The following NR2F1 variants were observed in gnomAD, a reference collection of about 807,000 sequenced individuals.
NR2F1 encodes the protein nuclear receptor subfamily 2 group F member 1, also known as COUP transcription factor 1.
In NR2F1, 1 loss-of-function variant was observed where a neutral mutation model predicts 37.7. The ratio of observed to expected loss-of-function variants is 0.03; its 90% CI spans 0.01 to 0.13. The LOEUF (loss-of-function observed/expected upper bound fraction) is 0.13. NR2F1 is among the 10% of genes least tolerant of loss of function. The pLI, the probability that NR2F1 is intolerant of heterozygous loss-of-function variation, is 1.00. For missense variants in NR2F1, 268 were observed against 578.4 expected (o/e 0.46, Z 5.50); for synonymous variants, 275 against 259.6 (o/e 1.06, Z -0.57).
chr5:93,585,516 G>C (rs769381711), intron 1 of NR2F1, 30 bp downstream of exon 1: 29 of 1,568,352 alleles, frequency 1.8e-5, no homozygotes, highest in African/African-American at 6.8e-5. Context: ...TTCTCTCCCC[G>C]CGCTTCGCCC....
At chr5:93,586,833 A>G (rs572250759) in intron 1 of NR2F1, among the ~76,000 whole-genome samples, 41 of 152,316 alleles carry the variant, frequency 2.7e-4, no homozygotes, top group African/African-American at 9.4e-4. Context: ...AAGAGCTTCA[A>G]TTGCACTGGA....
intron 2 of NR2F1, among the ~76,000 whole-genome samples, chr5:93,589,240 A>C (rs1354653633): frequency 6.6e-6 from 1 of 152,228 alleles, no homozygotes; most frequent in Non-Finnish European, 1.5e-5. Flanking sequence ...AAAAAATATC[A>C]AATTATGTGT....
intron 1 of NR2F1, 33 bp from the exon 2 acceptor site, chr5:93,587,884 A>C (rs1459243107): frequency 5.8e-6 from 9 of 1,538,850 alleles, no homozygotes; most frequent in Non-Finnish European, 7.9e-6. Context: ...CCCTGGATGC[A>C]CATTGCCTCT....
At chr5:93,590,387 G>A (rs1054299811) in intron 2 of NR2F1, among the ~76,000 whole-genome samples, 3 of 152,192 alleles carry the variant, frequency 2.0e-5, no homozygotes, top group Non-Finnish European at 4.4e-5. Context: ...AGGCTGCAGG[G>A]AAACACTGTG....
In NR2F1 at chr5:93,593,176, G is replaced by A. The variant is rs573107438; in HGVS notation, c.992-386G>A. On this transcript the variant is annotated intron_variant, in intron 2 of 2. Coordinates refer to ENST00000327111, the MANE Select transcript of NR2F1 (RefSeq NM_005654.6). The surrounding 1 kb of genome is among the most constrained non-coding windows in gnomAD (Gnocchi z 5.6). ...AGTTAATGAGCACGGCCAGAAAGAT[G>A]CTCCCTTGCAGGCCGAGGACAGGTT... Among the ~76,000 whole-genome samples, 7 of 152,290 alleles carry A rather than the reference G, an allele frequency of 4.6e-5. No individual in the cohort carries two copies. The highest frequency in any genetic ancestry group is 1.7e-4 in the African/African-American group (7 of 41,548).
chr5:93,585,734 C>T, intron 1 of NR2F1: 1 of 541,464 alleles, frequency 1.8e-6, no homozygotes, highest in Admixed American at 3.1e-5. Context: ...GCTGCCTGCT[C>T]AGGATTGTGT....
At chr5:93,587,766 G>A in intron 1 of NR2F1, 151 bp from the exon 2 acceptor site, 2 of 761,902 alleles carry the variant, frequency 2.6e-6, no homozygotes, top group Non-Finnish European at 4.2e-6. Context: ...TCTCCTAGCG[G>A]TGTGGACTGT....
chr5:93,590,607 C>T (rs1052901547), intron 2 of NR2F1, among the ~76,000 whole-genome samples: 3 of 152,200 alleles, frequency 2.0e-5, no homozygotes, highest in Admixed American at 1.3e-4. Flanking sequence ...TCACCTCCCC[C>T]CTCCCATGCA....
chr5:93,589,852 G>A (rs1223673922), intron 2 of NR2F1, among the ~76,000 whole-genome samples: 4 of 152,238 alleles, frequency 2.6e-5, no homozygotes, highest in East Asian at 3.8e-4. Context: ...TTAGACAAGA[G>A]CATCTCATTT....
chr5:93,590,940 G>A (rs771736984), intron 2 of NR2F1, among the ~76,000 whole-genome samples: 5 of 152,190 alleles, frequency 3.3e-5, no homozygotes, highest in Admixed American at 2.0e-4. Context: ...TCAAATAAAT[G>A]AGACTTTCTC....
chr5:93,585,281 C>T lies in NR2F1; in HGVS notation c.258C>T (p.Cys86=), dbSNP rs763957737. ...GSGQSQQHIE[C]VVCGDKSSGK... ...GCCAGAGCCAGCAGCACATCGAGTG[C>T]GTGGTGTGCGGGGACAAGTCGAGCG... The change falls in exon 1 of 3, where the codon TGC becomes TGT. Residue 86 remains cysteine (C), a synonymous_variant. Transcript: ENST00000327111. 13 of 1,601,872 alleles carry T rather than the reference C, an allele frequency of 8.1e-6. No individual in the cohort carries two copies. The highest frequency in any genetic ancestry group is 7.8e-5 in the South Asian group (7 of 89,476).
Position 93,593,874 on chromosome 5 carries a change from C to T in NR2F1, c.*32C>T. 6.3e-7 allele frequency: 1 copy of T among 1,598,438 alleles called. No homozygotes were observed. Among genetic ancestry groups the T allele is most frequent in the Non-Finnish European group, 8.5e-7 (1 of 1,170,310 alleles). On this transcript the variant is annotated 3_prime_UTR_variant, in exon 3 of 3. Coordinates refer to ENST00000327111, the MANE Select transcript of NR2F1 (RefSeq NM_005654.6). This position sits in a 1 kb window ranked among gnomAD's most constrained non-coding sequence, Gnocchi z 5.6. Reference sequence around the variant, plus strand: ...GGCGCTTCCCACCTGCCCCGTCCCCCTAGAGACTCAGAGGACCCACCTGGG... The same window carrying T: ...GGCGCTTCCCACCTGCCCCGTCCCCTTAGAGACTCAGAGGACCCACCTGGG...
rs986172152 is a variant in NR2F1, at chr5:93,585,137, C to T, written c.114C>T (p.Gly38=). The change falls in exon 1 of 3, where the codon GGC becomes GGT. Residue 38 remains glycine (G), a synonymous_variant. Coordinates refer to ENST00000327111, the MANE Select transcript of NR2F1 (RefSeq NM_005654.6). ...CCCGCGGCGGCGGCGGCGGCGCCGG[C>T]GAGCAGCAGCAGCAGGCGGGCTCGG... The part of the protein sequence containing the change: ...QAARGGGGGA[G]EQQQQAGSGA... 2.8e-6 allele frequency: 3 copies of T among 1,070,674 alleles called. No homozygotes were observed. Among genetic ancestry groups the T allele is most frequent in the Non-Finnish European group, 3.4e-6 (3 of 885,748 alleles). 66.3% of individuals were successfully genotyped at this position (1,070,674 alleles called of 1,614,324 possible).
At chr5:93,590,582 G>A (rs1157038555) in intron 2 of NR2F1, among the ~76,000 whole-genome samples, 1 of 152,184 alleles carries the variant, frequency 6.6e-6, no homozygotes, top group Non-Finnish European at 1.5e-5. Context: ...TGGAAATAGA[G>A]CTGTCAGTAG....
Position 93,593,442 on chromosome 5 carries a change from T to C in NR2F1, c.992-120T>C. The stretch of plus-strand genomic sequence containing the variant: ...GTGAATTTTTCTTTTCTCTTTTACT[T>C]CTTTTTTATTTTCCATTTTCTCCTT... On this transcript the variant is annotated intron_variant, in intron 2 of 2. Transcript: ENST00000327111. This position sits in a 1 kb window ranked among gnomAD's most constrained non-coding sequence, Gnocchi z 5.6. 1 of 1,066,660 alleles carries C rather than the reference T, an allele frequency of 9.4e-7. No homozygotes were observed. Among genetic ancestry groups the C allele is most frequent in the Non-Finnish European group, 1.4e-6 (1 of 736,200 alleles). 66.1% of individuals were successfully genotyped at this position (1,066,660 alleles called of 1,614,324 possible). A position where few individuals can be genotyped will look rare whatever the true frequency, so the allele number is the denominator to read the frequency against.
intron 1 of NR2F1, chr5:93,587,477 C>T: frequency 6.0e-6 from 1 of 167,216 alleles, no homozygotes; most frequent in Non-Finnish European, 1.3e-5. Flanking sequence ...TGCTTGCTTG[C>T]AAATGAGGAG....
chr5:93,584,187 C>T lies in NR2F1; in HGVS notation c.-837C>T, dbSNP rs1438562277. 2 of 148,856 alleles carry T rather than the reference C, an allele frequency of 1.3e-5. No homozygotes were observed. The highest frequency in any genetic ancestry group is 6.7e-5 in the Admixed American group (1 of 14,992). The allele number at this position is 148,856 out of a possible 1,614,324, so 9.2% of individuals were successfully genotyped here. On this transcript the variant is annotated 5_prime_UTR_variant, in exon 1 of 3. Transcript: ENST00000327111. Reference sequence around the variant, plus strand: ...CGGCGGCGCCGCGGGCGGCCCCGGCCTCCGCTCGCGCTCCGGCTGCGGCCC... The same window carrying T: ...CGGCGGCGCCGCGGGCGGCCCCGGCTTCCGCTCGCGCTCCGGCTGCGGCCC...
At chr5:93,592,640 C>A (rs3776602) in intron 2 of NR2F1, among the ~76,000 whole-genome samples, 1 of 147,014 alleles carries the variant, frequency 6.8e-6, no homozygotes, top group Admixed American at 6.8e-5. Flanking sequence ...CTTATCTCCC[C>A]CCAAGTCCCC....
Position 93,593,781 on chromosome 5 carries a change from G to A in NR2F1, c.1211G>A (p.Arg404His), listed in dbSNP as rs1753375213. 3 of 1,614,198 alleles carry A rather than the reference G, an allele frequency of 1.9e-6. No homozygotes were observed. The highest frequency in any genetic ancestry group is 2.5e-6 in the Non-Finnish European group (3 of 1,180,040). The part of the protein sequence containing the change: ...VGKTPIETLI[R>H]DMLLSGSSFN... ...AAAACCCCCATCGAAACTCTCATCC[G>A]CGATATGTTACTGTCTGGGAGCAGC... Residue 404 changes from arginine to histidine, a missense_variant, in exon 3 of 3, where the codon CGC becomes CAC. By Grantham distance (29) the Arg-to-His change is conservative. Transcript: ENST00000327111. The surrounding 1 kb of genome is among the most constrained non-coding windows in gnomAD (Gnocchi z 5.6).
Sources: allele counts gnomAD v4.1 joint callset (sites outside exome capture counted in the v4.1 genomes callset), GRCh38; gene constraint gnomAD v4.1.1; non-coding constraint Gnocchi (gnomAD v3.1); transcripts MANE v1.5; gene names NCBI Gene and HGNC (gene_info 2026-07-23, HGNC 2026-07-21).